The following CYP7B1 variants were observed in gnomAD, a reference collection of about 807,000 sequenced individuals.
The protein encoded by CYP7B1 is cytochrome P450 family 7 subfamily B member 1, also known as cytochrome P450 7B1.
Under a neutral mutation model 42.7 loss-of-function variants are expected in CYP7B1, and 29 were observed. The ratio of observed to expected loss-of-function variants is 0.68; its 90% confidence interval spans 0.51 to 0.93. The LOEUF is 0.93. Among genes scored for constraint, CYP7B1 ranks in the 40% least tolerant of loss-of-function variants. The probability of loss-of-function intolerance (pLI) is 0.00; values close to 1 mark genes in which losing one functional copy is unlikely to be tolerated. For missense variants in CYP7B1, 655 were observed against 600.5 expected (o/e 1.09, Z -0.95); for synonymous variants, 235 against 218.2 (o/e 1.08, Z -0.68).
At chr8:64,790,002 G>A (rs1182081012) in intron 1 of CYP7B1, among the ~76,000 whole-genome samples, 1 of 152,170 alleles carries the variant, frequency 6.6e-6, no homozygotes, top group East Asian at 1.9e-4. Flanking sequence ...TCCATGAACT[G>A]TGGTGACCAC....
chr8:64,738,694 T>G (rs750369640), intron 1 of CYP7B1, among the ~76,000 whole-genome samples: 10 of 152,172 alleles, frequency 6.6e-5, no homozygotes, highest in Non-Finnish European at 1.2e-4. Flanking sequence ...CTAAATGAAC[T>G]AAAAATCAAC....
Position 64,593,264 on chromosome 8 carries a change from T to A in CYP7B1, c.*3378A>T, listed in dbSNP as rs1805065837. On this transcript the variant is annotated 3_prime_UTR_variant, in exon 6 of 6. Coordinates refer to ENST00000310193, the MANE Select transcript of CYP7B1 (RefSeq NM_004820.5). ...GTGTGTGTGTGTGTGTGTGTGTGTG[T>A]GTGTGTGTGTGTGTGTGTGTGTAAT... Among the ~76,000 whole-genome samples the A allele has an allele frequency of 6.6e-6, 1 of 150,912 alleles. No individual in the cohort carries two copies. Among genetic ancestry groups the A allele is most frequent in the Admixed American group, 6.6e-5 (1 of 15,154 alleles).
intron 1 of CYP7B1, among the ~76,000 whole-genome samples, chr8:64,741,416 T>A (rs192102406): frequency 1.3e-5 from 2 of 152,244 alleles, no homozygotes; most frequent in Admixed American, 6.5e-5. Context: ...ACCTCCCGAA[T>A]TCAAGTGATT....
At position 64,697,071 on chromosome 8, in the gene CYP7B1, C is replaced by T. The variant is rs1806840048; in HGVS notation, c.123-72532G>A. 2.6e-5 allele frequency among the ~76,000 whole-genome samples: 4 copies of T among 152,138 alleles called. No individual in the cohort carries two copies. In the South Asian group the frequency reaches 8.3e-4, roughly 32 times the overall value. ...GGGAAAAAAAGGGTTTTATCTACTG[C>T]TTTAGTTTCCTGGAGGGTGAAGGAA... On this transcript the variant is annotated intron_variant, in intron 1 of 5. Transcript: ENST00000310193.
intron 1 of CYP7B1, among the ~76,000 whole-genome samples, chr8:64,634,978 T>G (rs561129369): frequency 6.6e-6 from 1 of 152,302 alleles, no homozygotes; most frequent in Non-Finnish European, 1.5e-5. Context: ...CTTTTCACAG[T>G]TGCAGTGCAG....
intron 1 of CYP7B1, among the ~76,000 whole-genome samples, chr8:64,697,597 T>C (rs971198511): frequency 2.0e-5 from 3 of 152,136 alleles, no homozygotes; most frequent in Admixed American, 1.3e-4. Flanking sequence ...AAGGAAGAAC[T>C]AATAGCGCAT....
chr8:64,761,567 G>A (rs1807891781), intron 1 of CYP7B1, among the ~76,000 whole-genome samples: 1 of 152,018 alleles, frequency 6.6e-6, no homozygotes, highest in Non-Finnish European at 1.5e-5. Context: ...GTATATATAT[G>A]TAAGTACAGA....
At chr8:64,586,691 A>T (rs1804973009), downstream of CYP7B1, among the ~76,000 whole-genome samples, 1 of 152,262 alleles carries the variant, frequency 6.6e-6, no homozygotes, top group Non-Finnish European at 1.5e-5. Context: ...GCAAAACCTG[A>T]CTATCAGAAA....
intron 1 of CYP7B1, among the ~76,000 whole-genome samples, chr8:64,777,196 A>T (rs1383708061): frequency 6.8e-6 from 1 of 148,032 alleles, no homozygotes; most frequent in African/African-American, 2.6e-5. Context: ...AAAAAAAAAA[A>T]TTAGAGGTGA....
intron 2 of CYP7B1, among the ~76,000 whole-genome samples, chr8:64,623,329 T>C (rs34885537): frequency 0.11 from 16,265 of 152,180 alleles, 1,151 homozygotes; most frequent in Non-Finnish European, 0.16. Flanking sequence ...AAGCTTTTTC[T>C]CTCACTCCCT....
intron 1 of CYP7B1, among the ~76,000 whole-genome samples, chr8:64,670,205 A>G (rs1018922860): frequency 6.6e-6 from 1 of 152,186 alleles, no homozygotes; most frequent in Non-Finnish European, 1.5e-5. Flanking sequence ...CCTAGCCCTT[A>G]CCTGAAAGTC....
intron 1 of CYP7B1, among the ~76,000 whole-genome samples, chr8:64,677,024 C>A (rs1761108241): frequency 6.6e-6 from 1 of 151,886 alleles, no homozygotes; most frequent in African/African-American, 2.4e-5. Flanking sequence ...ATGTAAAAGG[C>A]AACACATTAT....
chr8:64,704,669 C>T (rs183978669), intron 1 of CYP7B1, among the ~76,000 whole-genome samples: 3 of 152,086 alleles, frequency 2.0e-5, no homozygotes, highest in South Asian at 2.1e-4. Flanking sequence ...TTAGACATAC[C>T]TCTTGACTTT....
intron 1 of CYP7B1, among the ~76,000 whole-genome samples, chr8:64,745,966 T>A (rs575181669): frequency 6.6e-6 from 1 of 152,196 alleles, no homozygotes; most frequent in Middle Eastern, 3.2e-3. Context: ...TCAGCATTCA[T>A]GGCCAGTTTA....
At chr8:64,680,068 T>G (rs1348490811) in intron 1 of CYP7B1, among the ~76,000 whole-genome samples, 1 of 151,850 alleles carries the variant, frequency 6.6e-6, no homozygotes, top group Non-Finnish European at 1.5e-5. Context: ...CATTTCCCCC[T>G]CCCTCCATTC....
intron 1 of CYP7B1, among the ~76,000 whole-genome samples, chr8:64,729,147 G>A (rs922913069): frequency 7.9e-5 from 12 of 152,170 alleles, no homozygotes; most frequent in African/African-American, 1.7e-4. Context: ...GCAACAGATC[G>A]ATACCCTGTC....
At chr8:64,606,019 C>T (rs566617267) in intron 4 of CYP7B1, among the ~76,000 whole-genome samples, 1 of 152,326 alleles carries the variant, frequency 6.6e-6, no homozygotes, top group African/African-American at 2.4e-5. Context: ...GCACAGCCTG[C>T]ATAAGGCTAT....
chr8:64,742,857 C>T (rs1436320780), intron 1 of CYP7B1, among the ~76,000 whole-genome samples: 1 of 152,166 alleles, frequency 6.6e-6, no homozygotes, highest in Non-Finnish European at 1.5e-5. Context: ...CTCCATATGT[C>T]CTCAGAATAA....
At chr8:64,654,427 A>G (rs959757006) in intron 1 of CYP7B1, among the ~76,000 whole-genome samples, 3 of 152,168 alleles carry the variant, frequency 2.0e-5, no homozygotes, top group Admixed American at 2.0e-4. Context: ...CACAATTTCC[A>G]CAAAAAGAAT....
Sources: allele counts gnomAD v4.1 joint callset (sites outside exome capture counted in the v4.1 genomes callset), GRCh38; gene constraint gnomAD v4.1.1; transcripts MANE v1.5; gene names NCBI Gene and HGNC (gene_info 2026-07-23, HGNC 2026-07-21).